Variants in C6 observed in about 807,000 individuals in gnomAD.
C6 encodes complement C6, also known as complement component C6.
Under a neutral mutation model 112.9 loss-of-function variants are expected in C6, and 101 were observed. That is an observed-to-expected ratio of 0.89 (90% CI 0.76 to 1.06). C6 has a LOEUF of 1.06. Ranked by LOEUF, C6 falls within the 50% of genes least tolerant of loss-of-function variation. The probability of loss-of-function intolerance (pLI) is 0.00; values close to 1 mark genes in which losing one functional copy is unlikely to be tolerated. For synonymous variants in C6, 431 were observed against 384.1 expected, an observed-to-expected ratio of 1.12 and a Z score of -1.43; for missense variants, 1,202 against 1,104.6, an observed-to-expected ratio of 1.09 and a Z score of -1.25.
intron 1 of C6, among the ~76,000 whole-genome samples, chr5:41,205,346 G>A (rs1751348983): frequency 6.6e-6 from 1 of 152,188 alleles, no homozygotes; most frequent in Non-Finnish European, 1.5e-5. Flanking sequence ...TTCCAACTGA[G>A]GTACTGGGTT....
chr5:41,158,938 C>A (rs952605390), intron 12 of C6, 144 bp downstream of exon 12: 33 of 1,148,518 alleles, frequency 2.9e-5, no homozygotes, highest in Middle Eastern at 1.9e-4. Flanking sequence ...GCAGTAGACC[C>A]AGTGGCTCAT....
chr5:41,158,691 C>A lies in C6; in HGVS notation c.1951G>T (p.Glu651Ter). 1 of 1,606,216 alleles carries A rather than the reference C, an allele frequency of 6.2e-7. No individual in the cohort carries two copies. Among genetic ancestry groups the A allele is most frequent in the Non-Finnish European group, 8.5e-7 (1 of 1,172,936 alleles). ...DSGCPQPVPPENGFIRNEKQL... is the reference protein window; with the variant it reads ...DSGCPQPVPP ...ATGCTGACCCGGATAAATCCATTTT[C>A]TGGAGGAACTGGCTGAGGACACCCG... The change falls in exon 13 of 18, where the codon GAA becomes TAA. Residue 651 changes from glutamate (E) to a stop codon, truncating the protein, a stop_gained. Transcript: ENST00000337836. LOFTEE classifies it high-confidence loss of function.
At chr5:41,190,102 T>C (rs553500101) in intron 5 of C6, among the ~76,000 whole-genome samples, 1 of 152,304 alleles carries the variant, frequency 6.6e-6, no homozygotes, top group South Asian at 2.1e-4. Context: ...AGTATACCGA[T>C]TTCCTTTGCT....
chr5:41,153,804 A>C lies in C6; in HGVS notation c.2290+6T>G. 6.2e-7 allele frequency: 1 copy of C among 1,605,556 alleles called. No homozygotes were observed. Among genetic ancestry groups the C allele is most frequent in the Non-Finnish European group, 8.5e-7 (1 of 1,173,368 alleles). ...TCAGACCCCAGAACACTGAGCTGCT[A>C]CTCACCTTTTTCACAGGTGAGAGAG... On this transcript the variant is annotated splice_donor_region_variant and intron_variant, in intron 15 of 17. Transcript: ENST00000337836.
chr5:41,143,053 G>T, intron 17 of C6, 47 bp from the exon 18 acceptor site: 2 of 1,571,800 alleles, frequency 1.3e-6, no homozygotes, highest in South Asian at 1.1e-5. Context: ...CAGTACATTA[G>T]GGTTTGGCTT....
intron 1 of C6, among the ~76,000 whole-genome samples, chr5:41,225,009 T>C (rs1739400760): frequency 6.6e-6 from 1 of 152,214 alleles, no homozygotes; most frequent in South Asian, 2.1e-4. Flanking sequence ...TTTTGTTTCA[T>C]GTGCTTACTG....
At chr5:41,165,759 T>G (rs537963153) in intron 9 of C6, among the ~76,000 whole-genome samples, 6 of 152,252 alleles carry the variant, frequency 3.9e-5, no homozygotes, top group Non-Finnish European at 7.4e-5. Context: ...TAAGCATAAG[T>G]AAATACTATT....
In C6 at chr5:41,172,670, G is replaced by T. The variant is rs1208543312; in HGVS notation, c.1169-323C>A. ...CTGTCCTTGTTGCCTGCCACTTGTT[G>T]CCACTTAACACAATGGAGCTTTAAG... On this transcript the variant is annotated intron_variant, in intron 8 of 17. Transcript: ENST00000337836. 2.1e-5 allele frequency: 9 copies of T among 428,782 alleles called. No individual in the cohort carries two copies. The East Asian group carries it at 4.1e-4, about 20-fold the overall frequency. The allele number at this position is 428,782 out of a possible 1,614,324, so 26.6% of individuals were successfully genotyped here. A position where few individuals can be genotyped will look rare whatever the true frequency, so the allele number is the denominator to read the frequency against.
intron 3 of C6, 60 bp downstream of exon 3, chr5:41,201,498 C>A (rs1161432472): frequency 9.4e-6 from 14 of 1,493,136 alleles, no homozygotes; most frequent in Non-Finnish European, 1.3e-5. Context: ...TTAAGCCTGT[C>A]AGGGAATCAG....
At chr5:41,204,405 C>A (rs1019775401) in intron 1 of C6, among the ~76,000 whole-genome samples, 1 of 152,164 alleles carries the variant, frequency 6.6e-6, no homozygotes, top group Non-Finnish European at 1.5e-5. Context: ...GTTGGTCACA[C>A]ATTTTTAATA....
intron 13 of C6, 140 bp downstream of exon 13, chr5:41,158,534 T>A (rs1747140672): frequency 1.5e-6 from 1 of 681,554 alleles, no homozygotes; most frequent in African/African-American, 1.8e-5. Flanking sequence ...AGTGGCAAAG[T>A]GTTTCTAAAT....
chr5:41,205,441 T>A (rs1387342071), intron 1 of C6, among the ~76,000 whole-genome samples: 1 of 152,208 alleles, frequency 6.6e-6, no homozygotes, highest in Non-Finnish European at 1.5e-5. Context: ...ACCTGGGATG[T>A]GCAAGGGGTC....
chr5:41,252,191 A>G (rs974105969), intron 1 of C6, among the ~76,000 whole-genome samples: 3 of 152,378 alleles, frequency 2.0e-5, no homozygotes, highest in Non-Finnish European at 4.4e-5. Flanking sequence ...AGCATTGGAA[A>G]GCATGAGCAT....
At chr5:41,257,447 G>A (rs2150445466) in intron 1 of C6, among the ~76,000 whole-genome samples, 1 of 152,126 alleles carries the variant, frequency 6.6e-6, no homozygotes, top group South Asian at 2.1e-4. Flanking sequence ...TAGATCCCAT[G>A]TCTTGCTATT....
chr5:41,204,612 T>C (rs192832605), intron 1 of C6, among the ~76,000 whole-genome samples: 64 of 152,070 alleles, frequency 4.2e-4, no homozygotes, highest in Non-Finnish European at 7.6e-4. Flanking sequence ...AATTGTTTTT[T>C]CAGTATGTTC....
At chr5:41,195,643 T>C (rs1460286403) in intron 5 of C6, 149 bp downstream of exon 5, 2 of 872,754 alleles carry the variant, frequency 2.3e-6, no homozygotes, top group Non-Finnish European at 3.8e-6. Flanking sequence ...ACATACCTCC[T>C]GAACATGGTA....
chr5:41,199,864 A>C lies in C6; in HGVS notation c.349T>G (p.Cys117Gly). ...TGAAAGGCTACCAGAGGCGCAGTGC[A>C]TGGCTGTCCCCCAAACTGACTGGGA... ...LRPSQFGGQP[C>G]TAPLVAFQPC... is the part of the protein sequence containing the mutation. The change falls in exon 4 of 18, where the codon TGC becomes GGC. Residue 117 changes from cysteine (C) to glycine (G), a missense_variant. Coordinates refer to ENST00000337836, the MANE Select transcript of C6 (RefSeq NM_000065.5). 1 of 1,613,702 alleles carries C rather than the reference A, an allele frequency of 6.2e-7. No homozygotes were observed. The highest frequency in any genetic ancestry group is 8.5e-7 in the Non-Finnish European group (1 of 1,179,682).
intron 1 of C6, among the ~76,000 whole-genome samples, chr5:41,222,177 A>G (rs553072298): frequency 3.3e-5 from 5 of 150,650 alleles, no homozygotes; most frequent in Non-Finnish European, 7.4e-5. Flanking sequence ...AAAAAAAAAA[A>G]CAAAAAAAAG....
rs79286768 is a variant in C6 at position 41,241,507 on chromosome 5, C to T, written c.-21+19687G>A. On this transcript the variant is annotated intron_variant, in intron 1 of 17. Transcript: ENST00000263413. ...CCCTGGACATAGACTAAAGACTTTACGGGTCATGCAGAGAAACCATGAATT... is the reference window on the plus strand; with the variant it reads ...CCCTGGACATAGACTAAAGACTTTATGGGTCATGCAGAGAAACCATGAATT... Among the ~76,000 whole-genome samples the T allele has an allele frequency of 4.6e-5, 7 of 152,170 alleles. 1 individual carries two copies. In the East Asian group the frequency reaches 9.7e-4, roughly 21 times the overall value.
Sources: gnomAD v4.1 joint callset for allele counts (sites outside exome capture counted in the v4.1 genomes callset) on GRCh38, gnomAD v4.1.1 for gene constraint, MANE v1.5 for transcripts, NCBI Gene and HGNC (gene_info 2026-07-23, HGNC 2026-07-21) for gene names.